GRM7: variants seen among roughly 807,000 people sequenced by gnomAD.
GRM7 encodes the protein metabotropic glutamate receptor 7.
In GRM7, 35 loss-of-function variants were observed where a neutral mutation model predicts 84.5. That is an observed-to-expected ratio of 0.41 (90% CI 0.32 to 0.55). The LOEUF is 0.55. Among genes scored for constraint, GRM7 ranks in the 20% least tolerant of loss-of-function variants. The pLI is 0.19. For synonymous variants in GRM7, 487 were observed against 455.1 expected (o/e 1.07, Z -0.89); for missense variants, 1,003 against 1,194.6 (o/e 0.84, Z 2.36).
intron 9 of GRM7, among the ~76,000 whole-genome samples, chr3:7,710,953 C>G (rs1451839372): frequency 6.6e-6 from 1 of 152,210 alleles, no homozygotes; most frequent in Non-Finnish European, 1.5e-5. Context: ...CTGGGCATGT[C>G]TCTGATCTTA....
chr3:7,410,910 C>T (rs1050430060), intron 4 of GRM7, among the ~76,000 whole-genome samples: 2 of 152,118 alleles, frequency 1.3e-5, no homozygotes, highest in Admixed American at 1.3e-4. Context: ...AATTTATTCT[C>T]TTACGGTTCT....
At chr3:7,552,334 G>A (rs1693517137) in intron 7 of GRM7, among the ~76,000 whole-genome samples, 2 of 152,226 alleles carry the variant, frequency 1.3e-5, no homozygotes, top group Admixed American at 1.3e-4. Context: ...GAGTGTCTGT[G>A]GCTTTTCCAG....
chr3:7,344,248 C>G (rs1195064358), intron 4 of GRM7, among the ~76,000 whole-genome samples: 1 of 152,132 alleles, frequency 6.6e-6, no homozygotes, highest in African/African-American at 2.4e-5. Flanking sequence ...TCTTCCCACC[C>G]TCTACCCTCT....
intron 5 of GRM7, among the ~76,000 whole-genome samples, chr3:7,435,637 C>A (rs912759520): frequency 1.3e-5 from 2 of 150,192 alleles, no homozygotes; most frequent in Non-Finnish European, 2.9e-5. Flanking sequence ...CTCAGCCTAC[C>A]GAGTAGCTAG....
At chr3:7,325,423 CAG>C (rs1700945761) in intron 4 of GRM7, among the ~76,000 whole-genome samples, 1 of 152,144 alleles carries the variant, frequency 6.6e-6, no homozygotes, top group African/African-American at 2.4e-5. Flanking sequence ...GGCCTCAATC[CAG>C]AGTTTCTGAT....
At chr3:6,876,478 C>T (rs534806345) in intron 1 of GRM7, among the ~76,000 whole-genome samples, 5 of 152,072 alleles carry the variant, frequency 3.3e-5, no homozygotes, top group South Asian at 4.2e-4. Context: ...GTTATTATGA[C>T]CCCCATAGTG....
chr3:6,912,157 G>A (rs893491366), intron 1 of GRM7, among the ~76,000 whole-genome samples: 2 of 152,080 alleles, frequency 1.3e-5, no homozygotes, highest in Non-Finnish European at 2.9e-5. Flanking sequence ...GACATTAATT[G>A]ATATCAAGTA....
chr3:7,146,895 A>G (rs1694127893), intron 2 of GRM7, among the ~76,000 whole-genome samples: 1 of 152,164 alleles, frequency 6.6e-6, no homozygotes, highest in African/African-American at 2.4e-5. Flanking sequence ...AAGAAAAAAA[A>G]ATATGTACTA....
intron 4 of GRM7, among the ~76,000 whole-genome samples, chr3:7,402,099 A>T (rs1695478535): frequency 6.6e-6 from 1 of 152,004 alleles, no homozygotes; most frequent in Admixed American, 6.6e-5. Flanking sequence ...GGCAAACTGA[A>T]TTTTTCTACT....
At chr3:7,061,576 C>T (rs1350812671) in intron 1 of GRM7, among the ~76,000 whole-genome samples, 2 of 151,630 alleles carry the variant, frequency 1.3e-5, no homozygotes, top group East Asian at 3.9e-4. Flanking sequence ...ATTACCCTTT[C>T]TTTTTGGGAA....
At chr3:7,574,984 G>C (rs1181885436) in intron 7 of GRM7, among the ~76,000 whole-genome samples, 1 of 152,072 alleles carries the variant, frequency 6.6e-6, no homozygotes, top group Non-Finnish European at 1.5e-5. Flanking sequence ...TTCGTTCTTT[G>C]TTCCTCTTGT....
chr3:7,590,616 G>T (rs1695733745), intron 8 of GRM7, among the ~76,000 whole-genome samples: 1 of 152,074 alleles, frequency 6.6e-6, no homozygotes, highest in African/African-American at 2.4e-5. Context: ...CGGTCTTGCT[G>T]GTAGTATTTC....
intron 9 of GRM7, among the ~76,000 whole-genome samples, chr3:7,698,654 G>A (rs1476742955): frequency 1.3e-5 from 2 of 152,112 alleles, no homozygotes. Flanking sequence ...ATGTGGGCCT[G>A]GACAATTCTT....
At chr3:7,302,395 A>G (rs986238227) in intron 3 of GRM7, among the ~76,000 whole-genome samples, 3 of 152,136 alleles carry the variant, frequency 2.0e-5, no homozygotes, top group Non-Finnish European at 4.4e-5. Context: ...CTTTAATTAT[A>G]TTCTTATAAC....
chr3:7,165,505 T>C (rs1415695723), intron 2 of GRM7, among the ~76,000 whole-genome samples: 1 of 152,262 alleles, frequency 6.6e-6, no homozygotes, highest in Non-Finnish European at 1.5e-5. Flanking sequence ...TTCAAATTTC[T>C]ATATGGTTTT....
intron 1 of GRM7, among the ~76,000 whole-genome samples, chr3:7,132,537 T>C (rs1693636684): frequency 6.6e-6 from 1 of 152,200 alleles, no homozygotes; most frequent in Non-Finnish European, 1.5e-5. Flanking sequence ...CTTTTTTTGG[T>C]AGTAGGAAAC....
chr3:7,602,833 T>G (rs1696384085), intron 8 of GRM7, among the ~76,000 whole-genome samples: 1 of 152,170 alleles, frequency 6.6e-6, no homozygotes, highest in African/African-American at 2.4e-5. Context: ...AATCAGGAGA[T>G]TCTGCCATCA....
rs59201140 is a variant in GRM7 at position 7,168,942 on chromosome 3, A to G, written c.736+22274A>G. Among the ~76,000 whole-genome samples, 22 of 152,316 alleles carry G rather than the reference A, an allele frequency of 1.4e-4. No individual in the cohort carries two copies. In the East Asian group the frequency reaches 4.2e-3, roughly 29 times the overall value. ...AGAAAAGAATGAGAACAGACCAGAAAAGGTATCTGCATTCTTATATGTGCA... is the reference window on the plus strand; with the variant it reads ...AGAAAAGAATGAGAACAGACCAGAAGAGGTATCTGCATTCTTATATGTGCA... On this transcript the variant is annotated intron_variant, in intron 2 of 9. Transcript: ENST00000357716.
At chr3:7,563,037 C>T (rs1482666883) in intron 7 of GRM7, among the ~76,000 whole-genome samples, 1 of 151,972 alleles carries the variant, frequency 6.6e-6, no homozygotes, top group Non-Finnish European at 1.5e-5. Flanking sequence ...TAATCAAAAG[C>T]CTTTCTTGTC....
Sources: allele counts gnomAD v4.1 joint callset (sites outside exome capture counted in the v4.1 genomes callset), GRCh38; gene constraint gnomAD v4.1.1; transcripts MANE v1.5; gene names NCBI Gene and HGNC (gene_info 2026-07-23, HGNC 2026-07-21).